TRPM3: variants seen among roughly 807,000 people sequenced by gnomAD.
The protein encoded by TRPM3 is transient receptor potential cation channel subfamily M member 3.
A neutral mutation model predicts 181.2 loss-of-function variants in TRPM3; 77 were observed. The ratio of observed to expected loss-of-function variants is 0.42; its 90% CI spans 0.35 to 0.51. The LOEUF (loss-of-function observed/expected upper bound fraction) is 0.51. TRPM3 is among the 20% of genes least tolerant of loss of function. The probability of loss-of-function intolerance (pLI) is 0.01; values close to 1 mark genes in which losing one functional copy is unlikely to be tolerated. For missense variants in TRPM3, 1,759 were observed against 2,196.7 expected, an observed-to-expected ratio of 0.80 and a Z score of 3.98; for synonymous variants, 745 against 796.4, an observed-to-expected ratio of 0.94 and a Z score of 1.09.
At chr9:70,669,106 G>C (rs1037979293) in intron 9 of TRPM3, among the ~76,000 whole-genome samples, 1 of 152,208 alleles carries the variant, frequency 6.6e-6, no homozygotes, top group African/African-American at 2.4e-5. Context: ...CCCAGCTTCT[G>C]TGTAACTAGG....
intron 1 of TRPM3, among the ~76,000 whole-genome samples, chr9:71,423,731 CCCT>C (rs2093817017): frequency 6.6e-6 from 1 of 152,018 alleles, no homozygotes; most frequent in African/African-American, 2.4e-5. Flanking sequence ...AAGCTTTCTG[CCCT>C]CCTATTTGCC....
intron 1 of TRPM3, among the ~76,000 whole-genome samples, chr9:70,997,222 G>A (rs375661717): frequency 1.3e-5 from 2 of 151,784 alleles, no homozygotes; most frequent in Admixed American, 6.6e-5. Context: ...TTTTTGAGAT[G>A]GAGTCTTGCT....
intron 1 of TRPM3, among the ~76,000 whole-genome samples, chr9:71,417,428 C>A (rs2093653621): frequency 1.3e-5 from 2 of 151,876 alleles, no homozygotes; most frequent in African/African-American, 4.8e-5. Context: ...TATTGACTAG[C>A]TACATATCCT....
At chr9:70,693,504 C>T (rs10116707) in intron 8 of TRPM3, among the ~76,000 whole-genome samples, 55,087 of 151,882 alleles carry the variant, frequency 0.36, 10,240 homozygotes, top group East Asian at 0.46. Context: ...CATATTTTTT[C>T]ATCATTACAA....
chr9:71,069,247 A>G (rs1174147582), intron 1 of TRPM3, among the ~76,000 whole-genome samples: 4 of 152,204 alleles, frequency 2.6e-5, no homozygotes, highest in African/African-American at 9.7e-5. Context: ...CAGTGGCGCC[A>G]TCTCGGCCCA....
In TRPM3 at chr9:71,268,650, C is replaced by T. The variant is rs558514849; in HGVS notation, c.183+178003G>A. 2.6e-5 allele frequency among the ~76,000 whole-genome samples: 4 copies of T among 151,810 alleles called. No individual in the cohort carries two copies. In the East Asian group the frequency reaches 7.8e-4, roughly 30 times the overall value. On this transcript the variant is annotated intron_variant, in intron 1 of 24. Coordinates refer to the TRPM3 transcript ENST00000357533. Reference sequence around the variant, plus strand: ...GACCAGCCTTGCCAACATGGTGAAACCGTTTCTAGAAAAATACAAAAATTA... The same window carrying T: ...GACCAGCCTTGCCAACATGGTGAAATCGTTTCTAGAAAAATACAAAAATTA...
chr9:71,416,445 C>T (rs998298754), intron 1 of TRPM3, among the ~76,000 whole-genome samples: 3 of 151,854 alleles, frequency 2.0e-5, no homozygotes, highest in East Asian at 3.9e-4. Flanking sequence ...GATATGAAGG[C>T]TAATTATTGT....
intron 1 of TRPM3, among the ~76,000 whole-genome samples, chr9:71,042,478 G>A (rs1816891994): frequency 6.6e-6 from 1 of 152,124 alleles, no homozygotes; most frequent in Non-Finnish European, 1.5e-5. Context: ...TCCTTCCTAT[G>A]TTAAGCACAT....
intron 1 of TRPM3, among the ~76,000 whole-genome samples, chr9:71,388,576 A>G (rs957044367): frequency 1.3e-5 from 2 of 152,100 alleles, no homozygotes; most frequent in African/African-American, 4.8e-5. Context: ...GAATTAATCC[A>G]TACTCCTCCC....
Position 70,618,850 on chromosome 9 carries a change from T to C in TRPM3, c.2358+17A>G. 4 of 1,601,048 alleles carry C rather than the reference T, an allele frequency of 2.5e-6. No individual in the cohort carries two copies. Among genetic ancestry groups the C allele is most frequent in the Non-Finnish European group, 3.4e-6 (4 of 1,178,918 alleles). Reference sequence around the variant, plus strand: ...GCCGGTCCTCATAGCCAGGAGGGCCTTATTGGGCGCCCTGACCTTGAGGCC... The same window carrying C: ...GCCGGTCCTCATAGCCAGGAGGGCCCTATTGGGCGCCCTGACCTTGAGGCC... On this transcript the variant is annotated intron_variant, in intron 17 of 25. Transcript: ENST00000677713.
In TRPM3 at chr9:70,548,995, T is replaced by A. The variant is rs567106119; in HGVS notation, c.3707+547A>T. Among the ~76,000 whole-genome samples the A allele has an allele frequency of 1.3e-4, 20 of 152,324 alleles. No homozygotes were observed. In the South Asian group the frequency reaches 3.5e-3, roughly 27 times the overall value. On this transcript the variant is annotated intron_variant, in intron 25 of 25. Transcript: ENST00000677713. ...AGTAGAAAAATCTGCTTTTATTATTTTTTTTTGCTTTCATCTTGTTCTATA... is the reference window on the plus strand; with the variant it reads ...AGTAGAAAAATCTGCTTTTATTATTATTTTTTGCTTTCATCTTGTTCTATA...
At chr9:70,920,400 A>C (rs1053127850) in intron 1 of TRPM3, among the ~76,000 whole-genome samples, 1 of 152,206 alleles carries the variant, frequency 6.6e-6, no homozygotes, top group African/African-American at 2.4e-5. Flanking sequence ...GAAATAATGA[A>C]ATGTGATAAT....
chr9:71,179,676 G>T (rs10868968), intron 1 of TRPM3, among the ~76,000 whole-genome samples: 65,605 of 151,884 alleles, frequency 0.43, 14,523 homozygotes, highest in East Asian at 0.52. Flanking sequence ...CGCTAACTTA[G>T]CCAGAGACTT....
At chr9:70,975,105 G>T (rs1261537639) in intron 1 of TRPM3, among the ~76,000 whole-genome samples, 1 of 151,990 alleles carries the variant, frequency 6.6e-6, no homozygotes, top group Non-Finnish European at 1.5e-5. Context: ...CTGACCTCAG[G>T]TGATCTGCCA....
intron 1 of TRPM3, among the ~76,000 whole-genome samples, chr9:71,371,586 T>C (rs1333186866): frequency 1.3e-5 from 2 of 152,198 alleles, no homozygotes; most frequent in African/African-American, 4.8e-5. Context: ...TTCTTATTGA[T>C]GCACAAAAGA....
chr9:71,247,986 A>G (rs1489319721), intron 1 of TRPM3, among the ~76,000 whole-genome samples: 1 of 152,204 alleles, frequency 6.6e-6, no homozygotes, highest in Non-Finnish European at 1.5e-5. Context: ...TGACAGCACA[A>G]TGTCAAAAGC....
rs1392309439 is a variant in TRPM3, at chr9:70,625,688, G to T, written c.1633-171C>A. 6.6e-6 allele frequency among the ~76,000 whole-genome samples: 1 copy of T among 152,132 alleles called. No homozygotes were observed. Among genetic ancestry groups the T allele is most frequent in the African/African-American group, 2.4e-5 (1 of 41,424 alleles). ...TATCACTCCCAGGCACTAGGAACTA[G>T]GTTTCCCCAGATGCTCCCCAAGCCC... is the stretch of plus-strand genomic sequence containing the variant. On this transcript the variant is annotated intron_variant, in intron 12 of 25. Transcript: ENST00000677713. This position sits in a 1 kb window ranked among gnomAD's most constrained non-coding sequence, Gnocchi z 4.8.
At chr9:71,132,272 TG>T (rs1368821950) in intron 1 of TRPM3, among the ~76,000 whole-genome samples, 2 of 152,190 alleles carry the variant, frequency 1.3e-5, no homozygotes, top group African/African-American at 4.8e-5. Flanking sequence ...TCTTGTTCTT[TG>T]CCTTATGCTC....
chr9:70,964,914 T>C (rs2097171341), intron 1 of TRPM3, among the ~76,000 whole-genome samples: 2 of 152,104 alleles, frequency 1.3e-5, no homozygotes, highest in African/African-American at 4.8e-5. Context: ...TTTCTTTGTA[T>C]AATATAATGT....
Sources: allele counts gnomAD v4.1 joint callset (sites outside exome capture counted in the v4.1 genomes callset), GRCh38; gene constraint gnomAD v4.1.1; non-coding constraint Gnocchi (gnomAD v3.1); transcripts MANE v1.5; gene names NCBI Gene and HGNC (gene_info 2026-07-23, HGNC 2026-07-21).